The following LUC7L2 variants were observed in gnomAD, a reference collection of about 807,000 sequenced individuals.
LUC7L2 encodes the protein putative RNA-binding protein Luc7-like 2.
A neutral mutation model predicts 52.8 loss-of-function variants in LUC7L2; 25 were observed. The observed-to-expected ratio is 0.47, with a 90% CI of 0.34 to 0.66. The LOEUF is 0.66. Among genes scored for constraint, LUC7L2 ranks in the 30% least tolerant of loss-of-function variants. The probability of loss-of-function intolerance (pLI) is 0.01; values close to 1 mark genes in which losing one functional copy is unlikely to be tolerated. For synonymous variants in LUC7L2, 144 were observed against 160.9 expected (o/e 0.89, Z 0.80); for missense variants, 328 against 497.8 (o/e 0.66, Z 3.25).
chr7:139,340,488 A>T (rs145110535), exon 1 of LUC7L2: 3 of 398,544 alleles, frequency 7.5e-6, no homozygotes, highest in African/African-American at 4.1e-5. Flanking sequence ...GCGCCCGTTC[A>T]ACGTCCGGAG....
At chr7:139,376,229 T>G in intron 2 of LUC7L2, 73 bp downstream of exon 2, 1 of 1,490,574 alleles carries the variant, frequency 6.7e-7, no homozygotes, top group Non-Finnish European at 9.2e-7. Flanking sequence ...AAGTCTTAAT[T>G]CTGTGTCAAA....
chr7:139,355,409 G>T (rs879432902), upstream of LUC7L2, among the ~76,000 whole-genome samples: 3 of 151,276 alleles, frequency 2.0e-5, no homozygotes, highest in Admixed American at 6.6e-5. Flanking sequence ...CACAAGAAAA[G>T]ACTTCATATG....
chr7:139,393,986 A>G (rs952793647), intron 2 of LUC7L2, among the ~76,000 whole-genome samples: 1 of 152,152 alleles, frequency 6.6e-6, no homozygotes, highest in East Asian at 1.9e-4. Context: ...AAAATCTACT[A>G]TGATGAGTCA....
intron 2 of LUC7L2, chr7:139,392,582 C>A: frequency 4.7e-6 from 1 of 214,278 alleles, no homozygotes; most frequent in Non-Finnish European, 9.9e-6. Context: ...AAAAAATCTA[C>A]AATCTAAGCA....
chr7:139,359,130 G>A (rs1427662826), upstream of LUC7L2: 1 of 152,194 alleles, frequency 6.6e-6, no homozygotes, highest in Non-Finnish European at 1.5e-5. Context: ...TGAAGCCAAG[G>A]CCCCAGTCAC....
chr7:139,387,581 G>A (rs544516594), intron 2 of LUC7L2, among the ~76,000 whole-genome samples: 3 of 152,166 alleles, frequency 2.0e-5, no homozygotes, highest in Admixed American at 6.5e-5. Flanking sequence ...AGTGACATTT[G>A]AGATCGAATG....
At chr7:139,421,722 AAAAAG>A (rs1372230037) in intron 9 of LUC7L2, among the ~76,000 whole-genome samples, 3 of 152,214 alleles carry the variant, frequency 2.0e-5, no homozygotes, top group Admixed American at 6.5e-5. Flanking sequence ...TTTACATTCT[AAAAAG>A]AAAAGAACTG....
intron 2 of LUC7L2, among the ~76,000 whole-genome samples, chr7:139,377,490 T>C (rs1800776588): frequency 6.6e-6 from 1 of 152,062 alleles, no homozygotes; most frequent in South Asian, 2.1e-4. Context: ...GCCTCCTGGG[T>C]TCAAGCGATT....
intron 3 of LUC7L2, among the ~76,000 whole-genome samples, chr7:139,400,885 A>G (rs1794882535): frequency 1.3e-5 from 2 of 152,258 alleles, no homozygotes; most frequent in Admixed American, 1.3e-4. Flanking sequence ...TGTTTAAGAA[A>G]TGATCCTTAT....
intron 1 of LUC7L2, among the ~76,000 whole-genome samples, chr7:139,368,749 A>AG (rs1315352148): frequency 2.0e-5 from 3 of 152,004 alleles, no homozygotes; most frequent in Admixed American, 1.3e-4. Flanking sequence ...AAAAAAAAAA[A>AG]AAAGTAAAAA....
chr7:139,384,125 G>T (rs1794086668), intron 2 of LUC7L2, among the ~76,000 whole-genome samples: 2 of 152,044 alleles, frequency 1.3e-5, no homozygotes, highest in South Asian at 4.1e-4. Flanking sequence ...TCTGTAAATT[G>T]TTTAACTCTT....
At chr7:139,343,572 C>T (rs1286671505) in intron 1 of LUC7L2, among the ~76,000 whole-genome samples, 2 of 152,002 alleles carry the variant, frequency 1.3e-5, no homozygotes, top group Non-Finnish European at 2.9e-5. Context: ...GGAGCGAGAC[C>T]CTGTCTCAAA....
intron 1 of LUC7L2, among the ~76,000 whole-genome samples, chr7:139,343,222 T>A (rs1799090685): frequency 6.6e-6 from 1 of 152,244 alleles, no homozygotes; most frequent in Non-Finnish European, 1.5e-5. Flanking sequence ...AAGTGGATGC[T>A]ATGATTTGTT....
intron 2 of LUC7L2, among the ~76,000 whole-genome samples, chr7:139,380,829 G>T (rs1406741874): frequency 6.6e-6 from 1 of 152,110 alleles, no homozygotes; most frequent in Non-Finnish European, 1.5e-5. Flanking sequence ...GAAAGATAAA[G>T]AAATTGACAT....
At chr7:139,420,793 G>A (rs1478826160) in intron 9 of LUC7L2, among the ~76,000 whole-genome samples, 2 of 151,654 alleles carry the variant, frequency 1.3e-5, no homozygotes, top group African/African-American at 4.8e-5. Flanking sequence ...ACTAGACTTG[G>A]CACTGTGATT....
chr7:139,398,116 T>G (rs1034368563), intron 2 of LUC7L2, among the ~76,000 whole-genome samples: 3 of 152,166 alleles, frequency 2.0e-5, no homozygotes, highest in African/African-American at 4.8e-5. Flanking sequence ...GCCTTGGCCT[T>G]CCAAAGTGCT....
upstream of LUC7L2, among the ~76,000 whole-genome samples, chr7:139,358,684 T>C (rs1035453809): frequency 1.3e-5 from 2 of 152,348 alleles, no homozygotes; most frequent in South Asian, 2.1e-4. Flanking sequence ...GACCTATGTC[T>C]TACTTAAGGA....
At chr7:139,401,449 T>G (rs982849060) in intron 3 of LUC7L2, among the ~76,000 whole-genome samples, 4 of 152,148 alleles carry the variant, frequency 2.6e-5, no homozygotes, top group Non-Finnish European at 4.4e-5. Flanking sequence ...GAACATTTCT[T>G]CATGTCCTCA....
At chr7:139,395,957 G>T (rs1794646999) in intron 2 of LUC7L2, among the ~76,000 whole-genome samples, 1 of 152,104 alleles carries the variant, frequency 6.6e-6, no homozygotes, top group South Asian at 2.1e-4. Flanking sequence ...AACATTGTGT[G>T]TTTTTTACTT....
Sources: allele counts gnomAD v4.1 joint callset (sites outside exome capture counted in the v4.1 genomes callset), GRCh38; gene constraint gnomAD v4.1.1; transcripts MANE v1.5; gene names NCBI Gene and HGNC (gene_info 2026-07-23, HGNC 2026-07-21).